Variants in PALS1 observed in about 807,000 individuals in gnomAD.
PALS1 encodes protein associated with LIN7 1, MAGUK p55 family member.
A neutral mutation model predicts 78.9 loss-of-function variants in PALS1; 31 were observed. The ratio of observed to expected loss-of-function variants is 0.39; its 90% CI spans 0.30 to 0.53. PALS1 has a LOEUF of 0.53. PALS1 is among the 20% of genes least tolerant of loss of function. The pLI is 0.67. For missense variants in PALS1, 704 were observed against 826.5 expected, an observed-to-expected ratio of 0.85 and a Z score of 1.82; for synonymous variants, 276 against 270.9, an observed-to-expected ratio of 1.02 and a Z score of -0.18.
At chr14:67,266,449 C>A (rs2140541785) in intron 1 of PALS1, among the ~76,000 whole-genome samples, 1 of 152,186 alleles carries the variant, frequency 6.6e-6, no homozygotes, top group Middle Eastern at 3.4e-3. Flanking sequence ...CCTCAGCCTG[C>A]CGAGTAGCTG....
At chr14:67,324,952 T>G (rs922896756) in intron 14 of PALS1, among the ~76,000 whole-genome samples, 1 of 139,398 alleles carries the variant, frequency 7.2e-6, no homozygotes, top group Non-Finnish European at 1.5e-5. Context: ...TCACCCAGGC[T>G]GGAGTGCAGT....
intron 1 of PALS1, among the ~76,000 whole-genome samples, chr14:67,255,042 A>G (rs1209649155): frequency 2.0e-5 from 3 of 152,084 alleles, no homozygotes; most frequent in Non-Finnish European, 4.4e-5. Context: ...CCAGCTACTC[A>G]GGAGGCTGAG....
intron 2 of PALS1, chr14:67,271,868 T>G (rs893295851): frequency 6.6e-6 from 1 of 152,120 alleles, no homozygotes; most frequent in Non-Finnish European, 1.5e-5. Flanking sequence ...GTCAGGAGTT[T>G]GAGACCAGCC....
intron 14 of PALS1, among the ~76,000 whole-genome samples, chr14:67,325,432 C>T (rs1319381231): frequency 3.3e-5 from 5 of 152,084 alleles, no homozygotes; most frequent in Admixed American, 1.3e-4. Flanking sequence ...TTTTCATTTC[C>T]GCCATATACC....
chr14:67,330,530 C>T (rs949524925), intron 14 of PALS1, among the ~76,000 whole-genome samples: 21 of 146,720 alleles, frequency 1.4e-4, no homozygotes, highest in Admixed American at 2.8e-4. Flanking sequence ...ACTATCTCTG[C>T]TCACTGCAAC....
At chr14:67,322,736 GA>G (rs1392942921) in intron 13 of PALS1, among the ~76,000 whole-genome samples, 5 of 150,152 alleles carry the variant, frequency 3.3e-5, no homozygotes, top group Admixed American at 1.3e-4. Flanking sequence ...TATTTCTCCA[GA>G]AAAAAGGGCT....
intron 9 of PALS1, among the ~76,000 whole-genome samples, chr14:67,314,847 T>G (rs1158056736): frequency 6.6e-6 from 1 of 152,118 alleles, no homozygotes; most frequent in Non-Finnish European, 1.5e-5. Context: ...TCCCAGCACT[T>G]TGGGAGGCTG....
chr14:67,300,516 C>G (rs2084916489), intron 4 of PALS1, among the ~76,000 whole-genome samples: 2 of 152,010 alleles, frequency 1.3e-5, no homozygotes, highest in Non-Finnish European at 2.9e-5. Context: ...TTAGTAGAGA[C>G]AGTATTTTGC....
At position 67,320,149 on chromosome 14, in the gene PALS1, T is replaced by G. The variant is rs971824722; in HGVS notation, c.1370-81T>G. On this transcript the variant is annotated intron_variant, in intron 11 of 14. Coordinates refer to ENST00000261681, the MANE Select transcript of PALS1 (RefSeq NM_022474.4). ...AATAAATTGTGCTTTTGTCTAATTT[T>G]GGGTGAAGATCTATGAGTATTTATA... The G allele has an allele frequency of 6.8e-6, 9 of 1,315,664 alleles. No individual in the cohort carries two copies. The South Asian group carries it at 1.5e-4, about 23-fold the overall frequency. 81.5% of individuals were successfully genotyped at this position (1,315,664 alleles called of 1,614,324 possible). A position where few individuals can be genotyped will look rare whatever the true frequency, so the allele number is the denominator to read the frequency against.
chr14:67,263,444 A>C (rs1356584313), intron 1 of PALS1, among the ~76,000 whole-genome samples: 6 of 152,246 alleles, frequency 3.9e-5, no homozygotes, highest in African/African-American at 1.4e-4. Flanking sequence ...ACTTCATAGA[A>C]TTTCATTGTT....
chr14:67,252,294 G>T (rs1226046978), intron 1 of PALS1, among the ~76,000 whole-genome samples: 1 of 152,032 alleles, frequency 6.6e-6, no homozygotes, highest in East Asian at 1.9e-4. Flanking sequence ...GGCTCAAATA[G>T]GCGTGCACCA....
chr14:67,328,703 C>A (rs1309325387), intron 14 of PALS1, among the ~76,000 whole-genome samples: 1 of 152,160 alleles, frequency 6.6e-6, no homozygotes, highest in South Asian at 2.1e-4. Flanking sequence ...TATGGCTAGC[C>A]AGTTTTCCCA....
intron 2 of PALS1, among the ~76,000 whole-genome samples, chr14:67,277,341 C>G (rs1399976030): frequency 1.3e-5 from 2 of 152,130 alleles, no homozygotes; most frequent in African/African-American, 4.8e-5. Context: ...GCTCTTGTAA[C>G]TGGCATCCAT....
At chr14:67,302,270 A>G in intron 6 of PALS1, 140 bp from the exon 7 acceptor site, 1 of 1,050,422 alleles carries the variant, frequency 9.5e-7, no homozygotes, top group South Asian at 2.9e-5. Context: ...AATTACAATT[A>G]CTCTAGTTGT....
chr14:67,315,252 C>T (rs1258832591), intron 9 of PALS1, among the ~76,000 whole-genome samples: 2 of 144,650 alleles, frequency 1.4e-5, no homozygotes, highest in Non-Finnish European at 3.0e-5. Context: ...TTTTAAAAAT[C>T]GGTTACTTAT....
chr14:67,299,295 A>G (rs2084899722), intron 4 of PALS1, among the ~76,000 whole-genome samples: 1 of 152,206 alleles, frequency 6.6e-6, no homozygotes, highest in Non-Finnish European at 1.5e-5. Flanking sequence ...TTTGTCAGAT[A>G]CATATATCAA....
At chr14:67,292,471 G>A in intron 3 of PALS1, 40 bp from the exon 4 acceptor site, 1 of 1,382,086 alleles carries the variant, frequency 7.2e-7, no homozygotes, top group Non-Finnish European at 1.0e-6. Context: ...AATTAATACT[G>A]AAACAGTTAA....
chr14:67,302,388 T>C, intron 6 of PALS1, 22 bp from the exon 7 acceptor site: 2 of 1,369,766 alleles, frequency 1.5e-6, no homozygotes, highest in East Asian at 2.9e-5. Context: ...TATTTTTAAA[T>C]TATACATATA....
At position 67,250,422 on chromosome 14, in the gene PALS1, G is replaced by A. The variant is rs191655807; in HGVS notation, c.-237+8889G>A. Among the ~76,000 whole-genome samples, 824 of 152,228 alleles carry A rather than the reference G, an allele frequency of 5.4e-3. 8 individuals carry two copies. Among genetic ancestry groups the A allele is most frequent in the African/African-American group, 0.018 (742 of 41,538 alleles). ...AAAATAAGTTATGTGTTAAACAGTG[G>A]TTCTTCTGTCTTAGTATTGGAAATC... On this transcript the variant is annotated intron_variant, in intron 1 of 14. Transcript: ENST00000261681.
Sources: allele counts gnomAD v4.1 joint callset (sites outside exome capture counted in the v4.1 genomes callset), GRCh38; gene constraint gnomAD v4.1.1; transcripts MANE v1.5; gene names NCBI Gene and HGNC (gene_info 2026-07-23, HGNC 2026-07-21).